COBL: variants seen among roughly 807,000 people sequenced by gnomAD.
The protein encoded by COBL is protein cordon-bleu.
COBL carries 51 observed loss-of-function variants against 98.8 expected under a neutral mutation model. The ratio of observed to expected loss-of-function variants is 0.52; its 90% CI spans 0.41 to 0.65. The LOEUF is 0.65. Ranked by LOEUF, COBL falls within the 30% of genes least tolerant of loss-of-function variation. The probability of loss-of-function intolerance (pLI) is 0.00; values close to 1 mark genes in which losing one functional copy is unlikely to be tolerated. For missense variants in COBL, 1,617 were observed against 1,617.5 expected, an observed-to-expected ratio of 1.00 and a Z score of 0.01; for synonymous variants, 634 against 651.7, an observed-to-expected ratio of 0.97 and a Z score of 0.41.
At chr7:51,302,074 T>A (rs2129204201) in intron 1 of COBL, among the ~76,000 whole-genome samples, 1 of 152,172 alleles carries the variant, frequency 6.6e-6, no homozygotes, top group South Asian at 2.1e-4. Flanking sequence ...GCTGCATGTC[T>A]CCACAGCCTG....
At chr7:51,086,875 A>G (rs1794313111) in intron 6 of COBL, among the ~76,000 whole-genome samples, 2 of 152,104 alleles carry the variant, frequency 1.3e-5, no homozygotes, top group Non-Finnish European at 2.9e-5. Context: ...ATTCTGTAAT[A>G]TATTTTACAT....
At chr7:51,274,920 G>C (rs1799147596) in intron 1 of COBL, among the ~76,000 whole-genome samples, 2 of 152,192 alleles carry the variant, frequency 1.3e-5, no homozygotes, top group African/African-American at 4.8e-5. Context: ...CATTTGATTT[G>C]ATTTTTAGGT....
chr7:51,193,419 G>A lies in COBL; in HGVS notation c.416C>T (p.Pro139Leu), dbSNP rs1790304549. Residue 139 changes from proline (P) to leucine (L), a missense_variant, in exon 3 of 13, where the codon CCT becomes CTT. Transcript: ENST00000265136. The part of the protein sequence containing the change: ...VHTVFLKEKV[P>L]EEKVKPGPPK... ...GGGACCAGGCTTAACCTTCTCTTCAGGAACTTTTTCTTTCAGAAACACAGT... is the reference window on the plus strand; with the variant it reads ...GGGACCAGGCTTAACCTTCTCTTCAAGAACTTTTTCTTTCAGAAACACAGT... The A allele has an allele frequency of 6.2e-7, 1 of 1,614,126 alleles. No individual in the cohort carries two copies. Among genetic ancestry groups the A allele is most frequent in the Non-Finnish European group, 8.5e-7 (1 of 1,180,016 alleles).
intron 7 of COBL, chr7:51,072,465 T>C (rs1330482771): frequency 1.3e-5 from 2 of 152,240 alleles, no homozygotes; most frequent in East Asian, 3.8e-4. Context: ...GGCATCTTTA[T>C]CACATGTACA....
intron 4 of COBL, among the ~76,000 whole-genome samples, chr7:51,186,327 C>T (rs1323364855): frequency 2.6e-5 from 4 of 152,166 alleles, no homozygotes; most frequent in Non-Finnish European, 2.9e-5. Context: ...ATATTGAATG[C>T]ATAGCACTTT....
At chr7:51,207,775 C>G (rs1274095620) in intron 2 of COBL, among the ~76,000 whole-genome samples, 2 of 152,236 alleles carry the variant, frequency 1.3e-5, no homozygotes, top group Non-Finnish European at 2.9e-5. Context: ...GATCTCAGCT[C>G]GCTACAACCT....
rs187896682 is a variant in COBL, at chr7:51,134,592, T to C, written c.957+1566A>G. Reference sequence around the variant, plus strand: ...CGCATTAACAAAATACAATTCTTATTAAAAGAAAAAAGCTGACATAATATT... The same window carrying C: ...CGCATTAACAAAATACAATTCTTATCAAAAGAAAAAAGCTGACATAATATT... On this transcript the variant is annotated intron_variant, in intron 6 of 12. Transcript: ENST00000265136. Among the ~76,000 whole-genome samples, 81 of 152,246 alleles carry C rather than the reference T, an allele frequency of 5.3e-4. No homozygotes were observed. In the East Asian group the frequency reaches 0.014, roughly 26 times the overall value.
intron 5 of COBL, 52 bp downstream of exon 5, chr7:51,184,050 G>C: frequency 1.1e-6 from 1 of 928,238 alleles, no homozygotes; most frequent in Non-Finnish European, 1.6e-6. Context: ...TGTATTTCAA[G>C]AGACTATTTT....
intron 4 of COBL, among the ~76,000 whole-genome samples, chr7:51,189,830 G>C (rs114867138): frequency 7.9e-4 from 121 of 152,302 alleles, no homozygotes; most frequent in African/African-American, 2.5e-3. Flanking sequence ...AGTCCATTTT[G>C]ATCATTCTAA....
chr7:51,137,798 T>G (rs565794263), intron 5 of COBL, among the ~76,000 whole-genome samples: 1 of 152,156 alleles, frequency 6.6e-6, no homozygotes, highest in Non-Finnish European at 1.5e-5. Flanking sequence ...TCAACCTTCC[T>G]GAGACAATGA....
intron 5 of COBL, among the ~76,000 whole-genome samples, chr7:51,138,345 C>T (rs916205696): frequency 1.3e-5 from 2 of 152,222 alleles, no homozygotes; most frequent in Non-Finnish European, 2.9e-5. Context: ...CTTACATCCA[C>T]CTCCATGGCA....
chr7:51,064,172 C>T (rs534600958), intron 7 of COBL, among the ~76,000 whole-genome samples: 7 of 152,338 alleles, frequency 4.6e-5, no homozygotes, highest in Non-Finnish European at 8.8e-5. Context: ...GGGTGTGTGG[C>T]ACTCCCTTGG....
intron 7 of COBL, among the ~76,000 whole-genome samples, 158 bp downstream of exon 7, chr7:51,085,008 T>C (rs192435395): frequency 6.6e-6 from 1 of 152,312 alleles, no homozygotes; most frequent in Admixed American, 6.5e-5. Flanking sequence ...TGAAGTGAAC[T>C]TGCAATTATT....
At chr7:51,227,757 C>A (rs762215137) in intron 1 of COBL, among the ~76,000 whole-genome samples, 6 of 152,172 alleles carry the variant, frequency 3.9e-5, no homozygotes, top group Non-Finnish European at 7.3e-5. Context: ...CAGCACCTCC[C>A]AAGCTCAGGG....
intron 12 of COBL, among the ~76,000 whole-genome samples, chr7:51,024,383 T>G (rs1787287786): frequency 6.6e-6 from 1 of 152,156 alleles, no homozygotes; most frequent in Admixed American, 6.5e-5. Flanking sequence ...ATTATTAGCA[T>G]AACTCCCCAC....
intron 6 of COBL, among the ~76,000 whole-genome samples, chr7:51,115,161 TTTATG>T (rs1797158628): frequency 6.6e-6 from 1 of 152,058 alleles, no homozygotes; most frequent in African/African-American, 2.4e-5. Flanking sequence ...TTGATATTAA[TTTATG>T]TTCTTTTTTC....
At chr7:51,024,239 G>T (rs933064058) in intron 12 of COBL, among the ~76,000 whole-genome samples, 2 of 152,080 alleles carry the variant, frequency 1.3e-5, no homozygotes, top group Non-Finnish European at 2.9e-5. Flanking sequence ...AACCCGGGAG[G>T]CGGAGCTTGC....
At position 51,043,376 on chromosome 7, in the gene COBL, G is replaced by C; in HGVS notation, c.1406+7C>G. 6.2e-7 allele frequency: 1 copy of C among 1,612,256 alleles called. No homozygotes were observed. Among genetic ancestry groups the C allele is most frequent in the Non-Finnish European group, 8.5e-7 (1 of 1,178,656 alleles). ...TTCCGTACCCACCCATCCTTCCCGT[G>C]ACTCACCTCAGATGTGAGTTCTCAG... On this transcript the variant is annotated splice_region_variant and intron_variant, in intron 8 of 12. Transcript: ENST00000265136.
At chr7:51,106,279 T>C (rs528720215) in intron 6 of COBL, among the ~76,000 whole-genome samples, 15 of 151,984 alleles carry the variant, frequency 9.9e-5, no homozygotes, top group Non-Finnish European at 2.1e-4. Flanking sequence ...ACCTTACATG[T>C]TCCTGTATAG....
Sources: allele counts gnomAD v4.1 joint callset (sites outside exome capture counted in the v4.1 genomes callset), GRCh38; gene constraint gnomAD v4.1.1; transcripts MANE v1.5; gene names NCBI Gene and HGNC (gene_info 2026-07-23, HGNC 2026-07-21).